ECT2: variants seen among roughly 807,000 people sequenced by gnomAD.
The protein encoded by ECT2 is epithelial cell transforming 2, also known as protein ECT2.
A neutral mutation model predicts 116.9 loss-of-function variants in ECT2; 61 were observed. That is an observed-to-expected ratio of 0.52 (90% CI 0.42 to 0.65). The LOEUF (loss-of-function observed/expected upper bound fraction) is 0.65. ECT2 is among the 30% of genes least tolerant of loss of function. The probability of loss-of-function intolerance (pLI) is 0.00; values close to 1 mark genes in which losing one functional copy is unlikely to be tolerated. For missense variants in ECT2, 937 were observed against 1,078.7 expected (o/e 0.87, Z 1.84); for synonymous variants, 358 against 346.4 (o/e 1.03, Z -0.37).
At chr3:172,795,952 A>G (rs544759487) in intron 18 of ECT2, among the ~76,000 whole-genome samples, 3 of 152,300 alleles carry the variant, frequency 2.0e-5, no homozygotes, top group Admixed American at 6.5e-5. Context: ...TTAAAAAACA[A>G]TGATTTTGTC....
At chr3:172,753,207 C>T (rs540990512) in intron 1 of ECT2, among the ~76,000 whole-genome samples, 6 of 152,216 alleles carry the variant, frequency 3.9e-5, no homozygotes, top group South Asian at 2.1e-4. Context: ...TCAAGTGATT[C>T]GCCCACCTCA....
At chr3:172,768,499 T>G (rs1193438813) in intron 12 of ECT2, among the ~76,000 whole-genome samples, 1 of 152,204 alleles carries the variant, frequency 6.6e-6, no homozygotes, top group African/African-American at 2.4e-5. Flanking sequence ...AATGTCTATT[T>G]CCTATGATAG....
Position 172,784,802 on chromosome 3 carries a change from T to C in ECT2, c.1824T>C (p.Asn608=), listed in dbSNP as rs1171180562. ...QRLPSVALLL[N]DLKKHTADEN... ...TACCCAGTGTTGCATTACTTTTAAA[T>C]GGTACTTGTCTGATCTGTTTCAAAC... Residue 608 remains asparagine (N), a splice_region_variant and synonymous_variant, in exon 17 of 25, where the codon AAT becomes AAC. Transcript: ENST00000392692. The C allele has an allele frequency of 2.5e-6, 4 of 1,583,962 alleles. No individual in the cohort carries two copies. Among genetic ancestry groups the C allele is most frequent in the Non-Finnish European group, 3.5e-6 (4 of 1,154,132 alleles).
intron 24 of ECT2, chr3:172,818,549 T>TG (rs1299806119): frequency 3.1e-6 from 4 of 1,271,966 alleles, no homozygotes; most frequent in Non-Finnish European, 4.1e-6. Flanking sequence ...TTCTAACAGA[T>TG]TACCCATTCT....
intron 7 of ECT2, 50 bp downstream of exon 7, chr3:172,760,313 C>A: frequency 8.5e-7 from 1 of 1,171,108 alleles, no homozygotes; most frequent in Non-Finnish European, 1.2e-6. Context: ...ATTATTTTGG[C>A]ATGGGTTTAA....
chr3:172,773,799 A>G, intron 13 of ECT2, 104 bp from the exon 14 acceptor site: 4 of 1,159,866 alleles, frequency 3.4e-6, no homozygotes, highest in African/African-American at 1.6e-5. Flanking sequence ...TTTTATTATT[A>G]CTTCCTTCTC....
rs181143670 is a variant in ECT2 at position 172,780,482 on chromosome 3, A to G, written c.1549-1681A>G. On this transcript the variant is annotated intron_variant, in intron 14 of 24. Coordinates refer to ENST00000392692, the MANE Select transcript of ECT2 (RefSeq NM_001258315.2). The stretch of plus-strand genomic sequence containing the variant: ...TACCTAGGAGTAGCATTGATGAGCT[A>G]TATGGTAGTTTTGTATTTAAAAATT... Among the ~76,000 whole-genome samples the G allele has an allele frequency of 1.8e-3, 280 of 152,264 alleles. 1 individual carries two copies. Among genetic ancestry groups the G allele is most frequent in the African/African-American group, 6.6e-3 (273 of 41,548 alleles).
intron 22 of ECT2, among the ~76,000 whole-genome samples, chr3:172,811,769 TGTTTA>T (rs1728799789): frequency 6.6e-6 from 1 of 152,146 alleles, no homozygotes; most frequent in Non-Finnish European, 1.5e-5. Context: ...AACTTACCAA[TGTTTA>T]GTTTAATAGT....
intron 7 of ECT2, among the ~76,000 whole-genome samples, chr3:172,761,023 C>G (rs1267269922): frequency 3.3e-5 from 5 of 152,020 alleles, no homozygotes; most frequent in African/African-American, 7.2e-5. Flanking sequence ...GCCTGGCTGT[C>G]TAAGTGCCCT....
intron 12 of ECT2, among the ~76,000 whole-genome samples, 168 bp downstream of exon 12, chr3:172,764,668 A>G (rs552314287): frequency 6.6e-6 from 1 of 152,348 alleles, no homozygotes; most frequent in African/African-American, 2.4e-5. Flanking sequence ...TAATGTTGCA[A>G]TTTAATGACT....
At chr3:172,828,934 A>T in the ECT2 span, 5 of 1,468,536 alleles carry the variant, frequency 3.4e-6, no homozygotes, top group Non-Finnish European at 4.7e-6. Context: ...TCCCTGAACC[A>T]GCCACACCAA....
Position 172,750,751 on chromosome 3 carries a change from A to G in ECT2, c.-129A>G, listed in dbSNP as rs974028969. 6.5e-6 allele frequency: 1 copy of G among 152,848 alleles called. No individual in the cohort carries two copies. The highest frequency in any genetic ancestry group is 1.5e-5 in the Non-Finnish European group (1 of 68,186). The allele number at this position is 152,848 out of a possible 1,614,324, so 9.5% of individuals were successfully genotyped here. On this transcript the variant is annotated 5_prime_UTR_variant, in exon 1 of 25. Coordinates refer to ENST00000392692, the MANE Select transcript of ECT2 (RefSeq NM_001258315.2). The stretch of plus-strand genomic sequence containing the variant: ...AATCGGCATGGCTCTTAGAGAGAGC[A>G]GCTTAGTTTTTGAATCGGTTGTGGC...
At chr3:172,805,948 T>C in intron 21 of ECT2, 79 bp downstream of exon 21, 1 of 1,471,784 alleles carries the variant, frequency 6.8e-7, no homozygotes, top group Non-Finnish European at 9.2e-7. Context: ...CATTTTGGCT[T>C]TTTTAAATTG....
chr3:172,782,277 CTCA>C (rs1205101480), intron 15 of ECT2, 46 bp downstream of exon 15: 1 of 1,198,344 alleles, frequency 8.3e-7, no homozygotes, highest in African/African-American at 1.5e-5. Context: ...AAAATATGAT[CTCA>C]TCAAGGACTG....
Position 172,767,511 on chromosome 3 carries a change from T to C in ECT2, c.1292-1496T>C, listed in dbSNP as rs576590738. On this transcript the variant is annotated intron_variant, in intron 12 of 24. Coordinates refer to ENST00000392692, the MANE Select transcript of ECT2 (RefSeq NM_001258315.2). ...TAAAAGCATTTAAAATTGTTTATCA[T>C]TGAGTAAAATTGATGTGCTGGAAAT... Among the ~76,000 whole-genome samples the C allele has an allele frequency of 1.5e-3, 230 of 152,276 alleles. 1 individual carries two copies. The highest frequency in any genetic ancestry group is 2.5e-3 in the Non-Finnish European group (172 of 68,008).
intron 18 of ECT2, among the ~76,000 whole-genome samples, chr3:172,791,637 T>G (rs1451553225): frequency 1.3e-5 from 2 of 152,248 alleles, no homozygotes; most frequent in African/African-American, 2.4e-5. Context: ...TCTCAGCTTT[T>G]GCAGAATTGA....
In ECT2 at chr3:172,763,042, G is replaced by A. The variant is rs999724332; in HGVS notation, c.1068+70G>A. On this transcript the variant is annotated intron_variant, in intron 11 of 24. Transcript: ENST00000392692. ...TTTGAAAATAACACTTTTCTGTCCAGAAGGTTTAGAAGCATGTTTAGGAAT... is the reference window on the plus strand; with the variant it reads ...TTTGAAAATAACACTTTTCTGTCCAAAAGGTTTAGAAGCATGTTTAGGAAT... 1.8e-5 allele frequency: 26 copies of A among 1,477,530 alleles called. No individual in the cohort carries two copies. In the Admixed American group the frequency reaches 1.8e-4, roughly 10 times the overall value. 91.5% of individuals were successfully genotyped at this position (1,477,530 alleles called of 1,614,324 possible).
At chr3:172,808,639 TAGAC>T (rs1350597794) in intron 22 of ECT2, among the ~76,000 whole-genome samples, 1 of 152,178 alleles carries the variant, frequency 6.6e-6, no homozygotes, top group Non-Finnish European at 1.5e-5. Flanking sequence ...ACACATGTGA[TAGAC>T]AGATATAGAC....
At chr3:172,818,513 G>A (rs757157256) in intron 24 of ECT2, 7 of 1,193,842 alleles carry the variant, frequency 5.9e-6, no homozygotes, top group South Asian at 3.1e-5. Context: ...AGACATTAAT[G>A]TCATCTTCTC....
Sources: allele counts gnomAD v4.1 joint callset (sites outside exome capture counted in the v4.1 genomes callset), GRCh38; gene constraint gnomAD v4.1.1; transcripts MANE v1.5; gene names NCBI Gene and HGNC (gene_info 2026-07-23, HGNC 2026-07-21).